ZNF516: variants seen among roughly 807,000 people sequenced by gnomAD.
ZNF516 encodes zinc finger protein 516.
In ZNF516, 19 loss-of-function variants were observed where a neutral mutation model predicts 79.7. The observed-to-expected ratio is 0.24, with a 90% confidence interval of 0.17 to 0.35. The LOEUF (loss-of-function observed/expected upper bound fraction) is 0.35. ZNF516 is among the 10% of genes least tolerant of loss of function. ZNF516 has a pLI of 1.00. For synonymous variants in ZNF516, 877 were observed against 739.5 expected (o/e 1.19, Z -3.02); for missense variants, 1,678 against 1,679.5 (o/e 1.00, Z 0.02).
chr18:76,370,024 G>C (rs690105), intron 6 of ZNF516, among the ~76,000 whole-genome samples: 5,421 of 152,316 alleles, frequency 0.036, 167 homozygotes, highest in African/African-American at 0.083. Flanking sequence ...ATGGTAAGGT[G>C]CATCACAGAC....
chr18:76,466,147 C>G (rs765789808), intron 1 of ZNF516, among the ~76,000 whole-genome samples: 1 of 152,150 alleles, frequency 6.6e-6, no homozygotes, highest in Non-Finnish European at 1.5e-5. Context: ...ATCACGTTCC[C>G]TTAGGAGTGA....
intron 2 of ZNF516, among the ~76,000 whole-genome samples, chr18:76,458,376 G>A (rs1047926424): frequency 1.3e-5 from 2 of 152,282 alleles, no homozygotes; most frequent in African/African-American, 4.8e-5. Context: ...GCTTTGCAAG[G>A]AAAATTATGA....
At chr18:76,415,991 G>C (rs1440020975) in intron 3 of ZNF516, among the ~76,000 whole-genome samples, 2 of 152,188 alleles carry the variant, frequency 1.3e-5, no homozygotes, top group Non-Finnish European at 2.9e-5. Flanking sequence ...TCAATAGCTG[G>C]AAATGAAGTT....
chr18:76,484,020 AG>A (rs1327382310), intron 1 of ZNF516, among the ~76,000 whole-genome samples: 1 of 152,192 alleles, frequency 6.6e-6, no homozygotes, highest in African/African-American at 2.4e-5. Context: ...GCAAAGCTGA[AG>A]GGGGGCTCTC....
chr18:76,442,893 G>C lies in ZNF516; in HGVS notation c.162C>G (p.Arg54=). The C allele has an allele frequency of 6.2e-7, 1 of 1,613,774 alleles. No individual in the cohort carries two copies. ...PFQSSLSQHM[R]KHTGEKPYKC... Reference sequence around the variant, plus strand: ...TGTAGGGCTTCTCGCCCGTGTGCTTGCGCATGTGCTGCGAAAGCGAGCTCT... The same window carrying C: ...TGTAGGGCTTCTCGCCCGTGTGCTTCCGCATGTGCTGCGAAAGCGAGCTCT... Residue 54 remains arginine (R), a synonymous_variant, in exon 3 of 7, where the codon CGC becomes CGG. Transcript: ENST00000443185.
chr18:76,404,699 G>A (rs1309918004), intron 3 of ZNF516, among the ~76,000 whole-genome samples: 1 of 151,676 alleles, frequency 6.6e-6, no homozygotes, highest in African/African-American at 2.4e-5. Context: ...ATGAGTGTGA[G>A]CATGAGCATA....
At chr18:76,492,883 G>A (rs1426162408) in intron 1 of ZNF516, 3 of 985,544 alleles carry the variant, frequency 3.0e-6, no homozygotes, top group Non-Finnish European at 3.6e-6. Context: ...GCGTGTCCAC[G>A]TCTACATCAC....
Position 76,379,028 on chromosome 18 carries a change from T to G in ZNF516, c.3086A>C (p.Gln1029Pro). The change falls in exon 4 of 7, where the codon CAG (glutamine) becomes CCG (proline). Residue 1029 changes from glutamine to proline, a missense_variant. Gln to Pro is a moderately conservative substitution (Grantham distance 76). Around this residue, in one of 5 missense-constraint regions of ZNF516, gnomAD observed 1,294 missense variants for 1,248.3 expected, o/e 1.04. Transcript: ENST00000443185. Reference sequence around the variant, plus strand: ...GGGGGGCGCCCCAGCCACGCCGGGCTGGGCCTGCAAGGCCGCGTCGCCCCT... The same window carrying G: ...GGGGGGCGCCCCAGCCACGCCGGGCGGGGCCTGCAAGGCCGCGTCGCCCCT... ...GSRGDAALQA[Q>P]PGVAGAPPVL... is the part of the protein sequence containing the mutation. The G allele has an allele frequency of 6.2e-7, 1 of 1,607,698 alleles. No individual in the cohort carries two copies. The highest frequency in any genetic ancestry group is 8.5e-7 in the Non-Finnish European group (1 of 1,177,756).
chr18:76,492,560 T>C, intron 1 of ZNF516: 1 of 361,024 alleles, frequency 2.8e-6, no homozygotes, highest in South Asian at 1.1e-4. Flanking sequence ...CCTTCACTTT[T>C]CTACGGAGTT....
chr18:76,482,112 C>T (rs1327341030), intron 1 of ZNF516, among the ~76,000 whole-genome samples: 1 of 152,168 alleles, frequency 6.6e-6, no homozygotes, highest in Non-Finnish European at 1.5e-5. Flanking sequence ...CTAAAAGAAG[C>T]TTTTCCTTCA....
chr18:76,441,140 T>C, intron 3 of ZNF516, 105 bp downstream of exon 3: 1 of 1,432,544 alleles, frequency 7.0e-7, no homozygotes, highest in South Asian at 1.4e-5. Context: ...GGCCACCGGG[T>C]AAGGGGCTAA....
At chr18:76,369,280 T>C (rs1462660403) in intron 6 of ZNF516, among the ~76,000 whole-genome samples, 2 of 152,218 alleles carry the variant, frequency 1.3e-5, no homozygotes, top group African/African-American at 2.4e-5. Context: ...GTTGTCATAG[T>C]ATTGGGTAAC....
rs61233300 is a variant in ZNF516, at chr18:76,360,646, A to AATATATATAT, written c.*1842_*1851dup. The AATATATATAT allele has an allele frequency of 3.6e-4, 26 of 72,458 alleles. No individual in the cohort carries two copies. The highest frequency in any genetic ancestry group is 5.1e-4 in the Non-Finnish European group (19 of 36,924). 4.5% of individuals were successfully genotyped at this position (72,458 alleles called of 1,614,324 possible). On this transcript the variant is annotated 3_prime_UTR_variant, in exon 7 of 7. Transcript: ENST00000443185. ...AAAAAAATAAGTAAAAAAAAAAAAA[A>AATATATATAT]ATATATATATATATATATATATATA...
At chr18:76,373,479 A>G (rs1034780825) in intron 4 of ZNF516, among the ~76,000 whole-genome samples, 1 of 152,236 alleles carries the variant, frequency 6.6e-6, no homozygotes, top group Non-Finnish European at 1.5e-5. Flanking sequence ...CCCAGGTACA[A>G]TCTAGACTGC....
chr18:76,429,190 G>T (rs963925303), intron 3 of ZNF516, among the ~76,000 whole-genome samples: 1 of 152,228 alleles, frequency 6.6e-6, no homozygotes, highest in Non-Finnish European at 1.5e-5. Flanking sequence ...ATCAGAAAGA[G>T]CTGAGAAGTG....
rs1472334986 is a variant in ZNF516, at chr18:76,380,135, G to T, written c.1979C>A (p.Thr660Asn). 5 of 1,613,928 alleles carry T rather than the reference G, an allele frequency of 3.1e-6. No individual in the cohort carries two copies. The South Asian group carries it at 3.3e-5, about 11-fold the overall frequency. The change falls in exon 4 of 7, where the codon ACT becomes AAT. Residue 660 changes from threonine to asparagine, a missense_variant. This residue lies in a region of ZNF516 where 1,294 missense variants were observed against 1,248.3 expected (regional missense o/e 1.04). Transcript: ENST00000443185. ...VSILENSSRE[T>N]SRRQEQHRFS... ...TCTGTGCTGCTCTTGCCTTCTAGAA[G>T]TCTCTCTGCTACTGTTTTCAAGTAT...
chr18:76,398,902 A>G (rs927645607), intron 3 of ZNF516, among the ~76,000 whole-genome samples: 1 of 152,158 alleles, frequency 6.6e-6, no homozygotes, highest in African/African-American at 2.4e-5. Flanking sequence ...AAGAAACTGT[A>G]ATGAGTCTTT....
chr18:76,406,332 G>A (rs868224728), intron 3 of ZNF516, among the ~76,000 whole-genome samples: 2 of 152,324 alleles, frequency 1.3e-5, no homozygotes, highest in East Asian at 1.9e-4. Flanking sequence ...CTGGGAGGCC[G>A]AGACAGGAGG....
rs573152898 is a variant in ZNF516 at position 76,384,699 on chromosome 18, G to A, written c.1811-4396C>T. On this transcript the variant is annotated intron_variant, in intron 3 of 6. Transcript: ENST00000443185. ...GAAGAACTCGGCTAGAGAAGTGTCC[G>A]GGGAGGGGGCTCCAGCTCCCTGGTT... 5.3e-5 allele frequency among the ~76,000 whole-genome samples: 8 copies of A among 151,508 alleles called. No individual in the cohort carries two copies. The South Asian group carries it at 6.3e-4, about 12-fold the overall frequency.
Sources: allele counts gnomAD v4.1 joint callset (sites outside exome capture counted in the v4.1 genomes callset), GRCh38; gene constraint gnomAD v4.1.1; regional missense constraint gnomAD v4.1.1; transcripts MANE v1.5; gene names NCBI Gene and HGNC (gene_info 2026-07-23, HGNC 2026-07-21).